The following TMEM117 variants were observed in gnomAD, a reference collection of about 807,000 sequenced individuals.
TMEM117 encodes transmembrane protein 117.
TMEM117 carries 27 observed loss-of-function variants against 52.4 expected under a neutral mutation model. That is an observed-to-expected ratio of 0.51 (90% CI 0.38 to 0.71). The LOEUF is 0.71. TMEM117 is among the 30% of genes least tolerant of loss of function. TMEM117 has a pLI of 0.00. For synonymous variants in TMEM117, 215 were observed against 206.3 expected (o/e 1.04, Z -0.36); for missense variants, 556 against 630.5 (o/e 0.88, Z 1.26).
chr12:44,114,812 A>C (rs577620062), intron 3 of TMEM117, among the ~76,000 whole-genome samples: 6 of 152,272 alleles, frequency 3.9e-5, no homozygotes, highest in African/African-American at 1.4e-4. Context: ...AATAGAACAA[A>C]CATTACTGTT....
intron 2 of TMEM117, among the ~76,000 whole-genome samples, chr12:43,933,301 C>T (rs1309778704): frequency 6.6e-6 from 1 of 151,468 alleles, no homozygotes; most frequent in East Asian, 1.9e-4. Context: ...CCAGGGTTCA[C>T]GCCATTCTCC....
At chr12:43,835,448 CTA>C (rs975568410), upstream of TMEM117, among the ~76,000 whole-genome samples, 1 of 151,950 alleles carries the variant, frequency 6.6e-6, no homozygotes, top group African/African-American at 2.4e-5. Flanking sequence ...TTGTGCATCT[CTA>C]TGTGTGTATG....
At chr12:43,951,593 T>G (rs1008637427) in intron 3 of TMEM117, among the ~76,000 whole-genome samples, 3 of 152,162 alleles carry the variant, frequency 2.0e-5, no homozygotes, top group African/African-American at 7.2e-5. Flanking sequence ...GGCCTCCCTG[T>G]AGAAAGTCCA....
chr12:43,836,368 C>T (rs958538816), intron 1 of TMEM117, among the ~76,000 whole-genome samples, 172 bp downstream of exon 1: 7 of 152,220 alleles, frequency 4.6e-5, no homozygotes, highest in Non-Finnish European at 7.3e-5. Flanking sequence ...GGCGCCTCTG[C>T]TCCTGCCTTC....
In TMEM117 at chr12:43,925,293, CA is replaced by C. The variant is rs528488442; in HGVS notation, c.278-18909del. 4.5e-4 allele frequency among the ~76,000 whole-genome samples: 38 copies of C among 84,454 alleles called. No homozygotes were observed. In the South Asian group the frequency reaches 4.8e-3, roughly 11 times the overall value. 55.4% of individuals were successfully genotyped at this position (84,454 alleles called of 152,430 possible). A position where few individuals can be genotyped will look rare whatever the true frequency, so the allele number is the denominator to read the frequency against. On this transcript the variant is annotated intron_variant, in intron 2 of 7. Transcript: ENST00000266534. Reference sequence around the variant, plus strand: ...CTTGTAGGCTGGCTACCACACTTGCCAAAAAAAATTTTTTTTTTTTTGTTAA... The same window carrying C: ...CTTGTAGGCTGGCTACCACACTTGCCAAAAAAATTTTTTTTTTTTTGTTAA...
chr12:44,387,040 G>T (rs1282350903), intron 7 of TMEM117, among the ~76,000 whole-genome samples: 1 of 151,602 alleles, frequency 6.6e-6, no homozygotes, highest in African/African-American at 2.4e-5. Flanking sequence ...TCTGGAACCT[G>T]GTACATACGT....
chr12:43,928,032 C>T (rs773664184), intron 2 of TMEM117, among the ~76,000 whole-genome samples: 115 of 151,582 alleles, frequency 7.6e-4, no homozygotes, highest in Non-Finnish European at 1.3e-3. Flanking sequence ...CTTTCTATCC[C>T]TCCTTCACTC....
At chr12:43,876,614 C>G (rs1016008913) in intron 2 of TMEM117, among the ~76,000 whole-genome samples, 2 of 152,090 alleles carry the variant, frequency 1.3e-5, no homozygotes, top group African/African-American at 4.8e-5. Flanking sequence ...TTAACCTGTC[C>G]TGTCTACCTT....
chr12:44,282,834 G>C (rs915231366), intron 5 of TMEM117, among the ~76,000 whole-genome samples: 3 of 152,234 alleles, frequency 2.0e-5, no homozygotes, highest in African/African-American at 7.2e-5. Flanking sequence ...GACCTTCACA[G>C]CAGCATCCCC....
chr12:44,220,866 A>G (rs1227161011), intron 5 of TMEM117, among the ~76,000 whole-genome samples: 1 of 152,212 alleles, frequency 6.6e-6, no homozygotes, highest in Non-Finnish European at 1.5e-5. Context: ...AACCCAAACT[A>G]TCAAGTACTC....
chr12:44,359,395 C>G (rs138177261), intron 6 of TMEM117, among the ~76,000 whole-genome samples: 21 of 151,980 alleles, frequency 1.4e-4, no homozygotes, highest in Admixed American at 1.3e-3. Context: ...TACCTTATGT[C>G]TTTTTGTTTT....
At chr12:43,952,309 T>C (rs1945237529) in intron 3 of TMEM117, among the ~76,000 whole-genome samples, 4 of 152,030 alleles carry the variant, frequency 2.6e-5, no homozygotes, top group Admixed American at 1.3e-4. Flanking sequence ...CTGACAGAAG[T>C]AGGCTTTAGA....
chr12:44,355,844 G>T (rs1177103107), intron 6 of TMEM117, among the ~76,000 whole-genome samples: 1 of 152,092 alleles, frequency 6.6e-6, no homozygotes, highest in Non-Finnish European at 1.5e-5. Flanking sequence ...ACCCAGTGAA[G>T]AAGCAGGACA....
chr12:44,398,913 GT>G, the TMEM117 span, among the ~76,000 whole-genome samples: 1 of 151,932 alleles, frequency 6.6e-6, no homozygotes, highest in African/African-American at 2.4e-5. Context: ...TTTCCCTCTA[GT>G]TATTTGTATG....
At position 44,095,368 on chromosome 12, in the gene TMEM117, A is replaced by G. The variant is rs1270251709; in HGVS notation, c.411-48157A>G. On this transcript the variant is annotated intron_variant, in intron 3 of 7. Coordinates refer to ENST00000266534, the MANE Select transcript of TMEM117 (RefSeq NM_032256.3). ...TGAGAAAAATAAGTAAATTCATTCA[A>G]CGAGTAGGATTGGGAAGCCATTTTG... 2.6e-5 allele frequency among the ~76,000 whole-genome samples: 4 copies of G among 152,236 alleles called. No individual in the cohort carries two copies. The East Asian group carries it at 7.7e-4, about 29-fold the overall frequency.
intron 2 of TMEM117, among the ~76,000 whole-genome samples, chr12:43,886,731 A>C (rs1223585830): frequency 6.6e-6 from 1 of 152,136 alleles, no homozygotes; most frequent in Non-Finnish European, 1.5e-5. Context: ...TTCATTAGTC[A>C]GGTATTAAGC....
At chr12:43,953,233 C>T (rs149129099) in intron 3 of TMEM117, among the ~76,000 whole-genome samples, 110 of 152,200 alleles carry the variant, frequency 7.2e-4, no homozygotes, top group African/African-American at 2.6e-3. Flanking sequence ...TATGAAACAA[C>T]TACATTAGTA....
chr12:44,107,072 A>T (rs1358628141), intron 3 of TMEM117, among the ~76,000 whole-genome samples: 1 of 152,114 alleles, frequency 6.6e-6, no homozygotes, highest in African/African-American at 2.4e-5. Context: ...AACAATACTC[A>T]ATTTATTGAG....
intron 2 of TMEM117, among the ~76,000 whole-genome samples, chr12:43,859,286 G>A (rs1471437562): frequency 2.0e-5 from 3 of 152,146 alleles, no homozygotes; most frequent in African/African-American, 7.2e-5. Flanking sequence ...GGAAGGAACG[G>A]GCAAAATGGT....
Sources: allele counts gnomAD v4.1 joint callset (sites outside exome capture counted in the v4.1 genomes callset), GRCh38; gene constraint gnomAD v4.1.1; transcripts MANE v1.5; gene names NCBI Gene and HGNC (gene_info 2026-07-23, HGNC 2026-07-21).